Variants in PARP8 observed in about 807,000 individuals in gnomAD.
PARP8 encodes the protein protein mono-ADP-ribosyltransferase PARP8.
Under a neutral mutation model 124.1 loss-of-function variants are expected in PARP8, and 51 were observed. That is an observed-to-expected ratio of 0.41 (90% CI 0.33 to 0.52). The LOEUF (loss-of-function observed/expected upper bound fraction) is 0.52, where lower values mean the gene tolerates loss of function less well. PARP8 is among the 20% of genes least tolerant of loss of function. The pLI is 0.21. For synonymous variants in PARP8, 391 were observed against 361.5 expected (o/e 1.08, Z -0.93); for missense variants, 860 against 1,018.9 (o/e 0.84, Z 2.12).
At chr5:50,814,645 G>A (rs1234934801) in intron 14 of PARP8, among the ~76,000 whole-genome samples, 1 of 152,066 alleles carries the variant, frequency 6.6e-6, no homozygotes, top group Non-Finnish European at 1.5e-5. Context: ...CATCCCCACT[G>A]GTTAAGCAGA....
chr5:50,703,445 A>G (rs1216415977), intron 2 of PARP8, among the ~76,000 whole-genome samples: 1 of 152,098 alleles, frequency 6.6e-6, no homozygotes, highest in Non-Finnish European at 1.5e-5. Context: ...TGTCCTGCTC[A>G]ATGAGATCAT....
intron 25 of PARP8, among the ~76,000 whole-genome samples, chr5:50,838,706 G>A (rs1340869041): frequency 1.3e-5 from 2 of 151,920 alleles, no homozygotes; most frequent in Non-Finnish European, 1.5e-5. Context: ...ATATAGAGTC[G>A]CTTCTACCTT....
Position 50,794,888 on chromosome 5 carries a change from G to A in PARP8, c.899G>A (p.Ser300Asn), listed in dbSNP as rs1299392440. 3 of 1,613,976 alleles carry A rather than the reference G, an allele frequency of 1.9e-6. No homozygotes were observed. Among genetic ancestry groups the A allele is most frequent in the African/African-American group, 1.3e-5 (1 of 74,918 alleles). ...TATCCTCCCCCTGGTTGTGGCAAAA[G>A]CAAATCCAAACTGAAATCTGAGCAG... is the stretch of plus-strand genomic sequence containing the variant. ...PSYPPPGCGKSKSKLKSEQDG... is the reference protein window; with the variant it reads ...PSYPPPGCGKNKSKLKSEQDG... Residue 300 changes from serine (S) to asparagine (N), a missense_variant, in exon 12 of 26, where the codon AGC (serine) becomes AAC (asparagine). Physicochemically the swap from Ser to Asn is conservative, Grantham distance 46. This residue lies in a region of PARP8 where 517 missense variants were observed against 544.2 expected (regional missense o/e 0.95). Transcript: ENST00000281631.
At chr5:50,705,651 G>T (rs1268211200) in intron 2 of PARP8, among the ~76,000 whole-genome samples, 5 of 152,102 alleles carry the variant, frequency 3.3e-5, no homozygotes, top group African/African-American at 1.2e-4. Context: ...TGGGCGTGAT[G>T]GCGTGCGCCT....
chr5:50,748,481 T>C (rs1758860651), intron 2 of PARP8, among the ~76,000 whole-genome samples: 1 of 152,264 alleles, frequency 6.6e-6, no homozygotes, highest in Non-Finnish European at 1.5e-5. Flanking sequence ...TTTCATTCTT[T>C]TGACTTTCCG....
At chr5:50,757,785 A>G (rs1760125135) in intron 3 of PARP8, among the ~76,000 whole-genome samples, 1 of 152,138 alleles carries the variant, frequency 6.6e-6, no homozygotes, top group South Asian at 2.1e-4. Flanking sequence ...CTTAAACATA[A>G]TGTCTTAATT....
rs566865514 is a variant in PARP8 at position 50,760,169 on chromosome 5, C to T, written c.275-123C>T. 1.1e-5 allele frequency: 10 copies of T among 877,516 alleles called. No homozygotes were observed. The African/African-American group carries it at 1.8e-4, about 15-fold the overall frequency. 54.4% of individuals were successfully genotyped at this position (877,516 alleles called of 1,614,324 possible). On this transcript the variant is annotated intron_variant, in intron 4 of 25. Coordinates refer to ENST00000281631, the MANE Select transcript of PARP8 (RefSeq NM_024615.4). ...CAACATGACATGATTTCAAAATATCCCTTAATTCTTTTTCAGAGGAGATGG... is the reference window on the plus strand; with the variant it reads ...CAACATGACATGATTTCAAAATATCTCTTAATTCTTTTTCAGAGGAGATGG...
In PARP8 at chr5:50,834,054, T is replaced by C. The variant is rs767058965; in HGVS notation, c.2377+6T>C. ...ATGCATAGCCTTATGTGAAGGTAAG[T>C]TGAAAGTTTTACAAACCTCATAGTG... On this transcript the variant is annotated splice_donor_region_variant and intron_variant, in intron 24 of 25. Coordinates refer to ENST00000281631, the MANE Select transcript of PARP8 (RefSeq NM_024615.4). 11 of 1,608,274 alleles carry C rather than the reference T, an allele frequency of 6.8e-6. No homozygotes were observed. Among genetic ancestry groups the C allele is most frequent in the South Asian group, 1.1e-5 (1 of 90,768 alleles).
chr5:50,835,212 A>G (rs1747432490), intron 25 of PARP8, among the ~76,000 whole-genome samples, 197 bp downstream of exon 25: 1 of 152,172 alleles, frequency 6.6e-6, no homozygotes, highest in South Asian at 2.1e-4. Flanking sequence ...AACTTAGAAG[A>G]GCTCATGAAA....
intron 14 of PARP8, among the ~76,000 whole-genome samples, chr5:50,801,750 T>C (rs547293195): frequency 6.6e-6 from 1 of 152,326 alleles, no homozygotes; most frequent in South Asian, 2.1e-4. Context: ...TTGAATTGTT[T>C]TTACCTTCAG....
At chr5:50,679,655 A>G (rs899335394) in intron 2 of PARP8, among the ~76,000 whole-genome samples, 13 of 152,148 alleles carry the variant, frequency 8.5e-5, no homozygotes, top group African/African-American at 2.2e-4. Context: ...GTTTTACCCA[A>G]CAGGCAAGTG....
chr5:50,754,136 TATATATATATATATACACACACAC>T (rs56359600), intron 3 of PARP8, among the ~76,000 whole-genome samples: 8 of 15,374 alleles, frequency 5.2e-4, no homozygotes, highest in Non-Finnish European at 9.2e-4. Flanking sequence ...TATATATATA[TATATATATATATATACACACACAC>T]ACACACACAC....
At chr5:50,827,464 G>A (rs1237868296) in intron 19 of PARP8, among the ~76,000 whole-genome samples, 1 of 151,902 alleles carries the variant, frequency 6.6e-6, no homozygotes, top group Non-Finnish European at 1.5e-5. Flanking sequence ...TTGAATGTAG[G>A]CAAAAATTCT....
chr5:50,690,192 T>A (rs1752345210), intron 2 of PARP8, among the ~76,000 whole-genome samples: 1 of 152,208 alleles, frequency 6.6e-6, no homozygotes. Context: ...CATAAGTTCA[T>A]ACCTCTTTTC....
intron 14 of PARP8, among the ~76,000 whole-genome samples, chr5:50,814,279 A>G (rs1181900336): frequency 1.3e-5 from 2 of 152,166 alleles, no homozygotes; most frequent in East Asian, 3.9e-4. Context: ...ATATAAACAT[A>G]TAGATACACA....
At chr5:50,670,340 A>G (rs1234147860) in intron 2 of PARP8, among the ~76,000 whole-genome samples, 4 of 152,218 alleles carry the variant, frequency 2.6e-5, no homozygotes, top group Non-Finnish European at 4.4e-5. Flanking sequence ...CATTAAGAAC[A>G]TATTTCAAGA....
At chr5:50,701,565 G>A (rs567982635) in intron 2 of PARP8, among the ~76,000 whole-genome samples, 146 of 152,188 alleles carry the variant, frequency 9.6e-4, no homozygotes, top group African/African-American at 3.5e-3. Flanking sequence ...TCCATTTACA[G>A]TTTGAATAAC....
chr5:50,720,141 G>A (rs1388911627), intron 2 of PARP8, among the ~76,000 whole-genome samples: 1 of 151,980 alleles, frequency 6.6e-6, no homozygotes, highest in Admixed American at 6.6e-5. Flanking sequence ...TATAATGAAA[G>A]CATCCTTATA....
At position 50,809,352 on chromosome 5, in the gene PARP8, A is replaced by G. The variant is rs954465601; in HGVS notation, c.1576-6080A>G. ...GCATTTTTTCAATACCAGTTTTTAA[A>G]TAGGAATTTATATTTACTCTGCTTA... On this transcript the variant is annotated intron_variant, in intron 14 of 25. Transcript: ENST00000281631. 3.9e-5 allele frequency among the ~76,000 whole-genome samples: 6 copies of G among 152,242 alleles called. 1 individual carries two copies. The highest frequency in any genetic ancestry group is 1.9e-4 in the East Asian group (1 of 5,188).
Sources: allele counts gnomAD v4.1 joint callset (sites outside exome capture counted in the v4.1 genomes callset), GRCh38; gene constraint gnomAD v4.1.1; regional missense constraint gnomAD v4.1.1; transcripts MANE v1.5; gene names NCBI Gene and HGNC (gene_info 2026-07-23, HGNC 2026-07-21).